ZNF615: variants seen among roughly 807,000 people sequenced by gnomAD.
ZNF615 encodes zinc finger protein 615.
ZNF615 carries 15 observed loss-of-function variants against 15.3 expected under a neutral mutation model. The observed-to-expected ratio is 0.98, with a 90% CI of 0.66 to 1.51. The LOEUF (loss-of-function observed/expected upper bound fraction) is 1.51, where lower values mean the gene tolerates loss of function less well. Ranked by LOEUF, ZNF615 falls within the 40% of genes most tolerant of loss-of-function variation. The probability of loss-of-function intolerance (pLI) is 0.00; values close to 1 mark genes in which losing one functional copy is unlikely to be tolerated. For synonymous variants in ZNF615, 268 were observed against 294.6 expected (o/e 0.91, Z 0.92); for missense variants, 848 against 895.9 (o/e 0.95, Z 0.68).
At chr19:52,007,068 T>C (rs779340312) in intron 2 of ZNF615, among the ~76,000 whole-genome samples, 11 of 152,336 alleles carry the variant, frequency 7.2e-5, no homozygotes, top group Non-Finnish European at 1.2e-4. Context: ...ATTTCACTTC[T>C]ATCCAAATGT....
At chr19:52,007,751 A>G (rs766315911) in intron 1 of ZNF615, among the ~76,000 whole-genome samples, 5 of 152,052 alleles carry the variant, frequency 3.3e-5, no homozygotes, top group Non-Finnish European at 7.4e-5. Flanking sequence ...CCCAAACAAA[A>G]CCTGAACCAT....
chr19:52,001,237 A>G (rs11084129), intron 5 of ZNF615, among the ~76,000 whole-genome samples: 61,193 of 151,820 alleles, frequency 0.4, 13,776 homozygotes, highest in African/African-American at 0.6. Context: ...GACAGTGGAC[A>G]AGAAAAGGCA....
chr19:51,992,544 T>C lies in ZNF615; in HGVS notation c.*336A>G. 4.8e-6 allele frequency: 1 copy of C among 206,368 alleles called. No individual in the cohort carries two copies. The highest frequency in any genetic ancestry group is 1.2e-4 in the South Asian group (1 of 8,236). The allele number at this position is 206,368 out of a possible 1,614,324, so 12.8% of individuals were successfully genotyped here. A position where few individuals can be genotyped will look rare whatever the true frequency, so the allele number is the denominator to read the frequency against. ...TTCTCCAGTGTGAACTCTCTCAATC[T>C]GTTGAAGTTTTATTTTTGGGCAAAG... On this transcript the variant is annotated 3_prime_UTR_variant, in exon 7 of 7. Transcript: ENST00000598071.
In ZNF615 at chr19:52,003,801, A is replaced by C; in HGVS notation, c.-90T>G. The stretch of plus-strand genomic sequence containing the variant: ...CTCTAAATTTCGGTTCAAAAACTTC[A>C]ATCTCCAATCAAGGATGTCCCCAGA... On this transcript the variant is annotated 5_prime_UTR_variant, in exon 3 of 7. The change creates a new upstream start codon in the 5' untranslated region. Coordinates refer to ENST00000598071, the MANE Select transcript of ZNF615 (RefSeq NM_001199324.2). The C allele has an allele frequency of 1.3e-6, 2 of 1,584,382 alleles. No individual in the cohort carries two copies. Among genetic ancestry groups the C allele is most frequent in the Non-Finnish European group, 8.6e-7 (1 of 1,167,526 alleles).
intron 6 of ZNF615, among the ~76,000 whole-genome samples, chr19:51,996,588 C>T (rs79198198): frequency 4.6e-4 from 70 of 152,094 alleles, no homozygotes; most frequent in African/African-American, 1.5e-3. Context: ...ATATAAATCT[C>T]GAAAAGGCCT....
chr19:51,994,593 A>C lies in ZNF615; in HGVS notation c.516T>G (p.Asp172Glu). 1 of 1,613,968 alleles carries C rather than the reference A, an allele frequency of 6.2e-7. No homozygotes were observed. Among genetic ancestry groups the C allele is most frequent in the Non-Finnish European group, 8.5e-7 (1 of 1,180,012 alleles). The change falls in exon 7 of 7, where the codon GAT (aspartate) becomes GAG (glutamate). Residue 172 changes from aspartate to glutamate, a missense_variant. Transcript: ENST00000598071. ...GLKNSAEFNR[D>E]GKSLFHANHK... ...GGTTAGCATGAAAAAGGGATTTCCC[A>C]TCTCTATTAAACTCAGCAGAGTTCT...
chr19:52,005,735 T>C (rs1457159013), intron 2 of ZNF615, among the ~76,000 whole-genome samples: 1 of 152,198 alleles, frequency 6.6e-6, no homozygotes, highest in African/African-American at 2.4e-5. Flanking sequence ...ATGCATTCCA[T>C]GACATTTCAT....
rs2086249271 is a variant in ZNF615, at chr19:51,992,108, A to G, written c.*772T>C. 1 of 152,232 alleles carries G rather than the reference A, an allele frequency of 6.6e-6. No homozygotes were observed. The highest frequency in any genetic ancestry group is 2.1e-4 in the South Asian group (1 of 4,836). 9.4% of individuals were successfully genotyped at this position (152,232 alleles called of 1,614,324 possible). A position where few individuals can be genotyped will look rare whatever the true frequency, so the allele number is the denominator to read the frequency against. On this transcript the variant is annotated 3_prime_UTR_variant, in exon 7 of 7. Coordinates refer to ENST00000598071, the MANE Select transcript of ZNF615 (RefSeq NM_001199324.2). ...TTCTGAAGTACTTTAGTTATTCTGA[A>G]ATAACACAAACTTAGAACCAAAGAA...
At chr19:52,003,153 A>ATTTG (rs397963115) in intron 3 of ZNF615, among the ~76,000 whole-genome samples, 1 of 151,750 alleles carries the variant, frequency 6.6e-6, no homozygotes, top group African/African-American at 2.4e-5. Flanking sequence ...GGAAAAAAAA[A>ATTTG]TCCTTAGAAT....
intron 6 of ZNF615, among the ~76,000 whole-genome samples, chr19:51,996,566 A>G (rs777163219): frequency 2.6e-5 from 4 of 152,174 alleles, no homozygotes; most frequent in Non-Finnish European, 5.9e-5. Flanking sequence ...AACATGAAGA[A>G]ATTGGTTGAA....
intron 6 of ZNF615, among the ~76,000 whole-genome samples, chr19:51,997,136 T>C (rs928727676): frequency 8.6e-5 from 13 of 151,904 alleles, no homozygotes; most frequent in Non-Finnish European, 1.8e-4. Context: ...CTGGGCAACA[T>C]AGTGAGACCT....
rs773966118 is a variant in ZNF615, at chr19:51,994,351, G to C, written c.758C>G (p.Ser253Cys). ...ATGGTCCATTAGTCTGGATTTTCTG[G>C]AGAAAGCTTTCCCACACATACTGCA... ...HVCSMCGKAFSRKSRLMDHQR... is the reference protein window; with the variant it reads ...HVCSMCGKAFCRKSRLMDHQR... The change falls in exon 7 of 7, where the codon TCC (serine) becomes TGC (cysteine). Residue 253 changes from serine to cysteine, a missense_variant. Physicochemically the swap from Ser to Cys is moderately radical, Grantham distance 112. Transcript: ENST00000598071. 2.5e-6 allele frequency: 4 copies of C among 1,613,858 alleles called. No individual in the cohort carries two copies. Among genetic ancestry groups the C allele is most frequent in the African/African-American group, 1.3e-5 (1 of 74,890 alleles).
intron 5 of ZNF615, 118 bp from the exon 6 acceptor site, chr19:52,000,496 G>C: frequency 4.3e-6 from 2 of 460,236 alleles, no homozygotes; most frequent in South Asian, 4.9e-5. Flanking sequence ...AAAATGGGAA[G>C]TTACAGGCTA....
Position 51,993,483 on chromosome 19 carries a change from T to C in ZNF615, c.1626A>G (p.Gln542=), listed in dbSNP as rs1198891899. 1.9e-6 allele frequency: 3 copies of C among 1,613,748 alleles called. No homozygotes were observed. The highest frequency in any genetic ancestry group is 1.1e-5 in the South Asian group (1 of 91,056). The change falls in exon 7 of 7, where the codon CAA becomes CAG. Residue 542 remains glutamine (Q), a synonymous_variant. Coordinates refer to ENST00000598071, the MANE Select transcript of ZNF615 (RefSeq NM_001199324.2). The stretch of plus-strand genomic sequence containing the variant: ...AAGGTTTCTCTCCTGTATGAGTTCG[T>C]TGATGTCCCATTAGCCGGATCTTTG... ...FPAKIRLMGH[Q]RTHTGEKPYI...
At chr19:52,008,001 C>T in intron 1 of ZNF615, 140 bp downstream of exon 1, 1 of 741,658 alleles carries the variant, frequency 1.3e-6, no homozygotes, top group Non-Finnish European at 2.2e-6. Context: ...CCACGCTAAG[C>T]TCCTGAAAGA....
At chr19:51,998,265 CACTCT>C (rs1182799723) in intron 6 of ZNF615, among the ~76,000 whole-genome samples, 2 of 152,128 alleles carry the variant, frequency 1.3e-5, no homozygotes, top group East Asian at 1.9e-4. Flanking sequence ...TGCTTTTGCT[CACTCT>C]ACTCTATCCA....
chr19:51,994,018 A>C lies in ZNF615; in HGVS notation c.1091T>G (p.Phe364Cys), dbSNP rs773628995. ...PYICSECGKG[F>C]IEKRRLTAHH... is the part of the protein sequence containing the mutation. ...TGCAGTAAGACGCCTCTTCTCAATG[A>C]AGCCTTTTCCACATTCACTACATAT... Residue 364 changes from phenylalanine to cysteine, a missense_variant, in exon 7 of 7, where the codon TTC (phenylalanine) becomes TGC (cysteine). Transcript: ENST00000598071. 2.5e-6 allele frequency: 4 copies of C among 1,612,434 alleles called. No homozygotes were observed. In the African/African-American group the frequency reaches 5.3e-5, roughly 22 times the overall value.
At position 51,994,172 on chromosome 19, in the gene ZNF615, G is replaced by T; in HGVS notation, c.937C>A (p.Arg313=). Reference sequence around the variant, plus strand: ...TGAGTTCGTTGATGATAAATGAGCCGACACTTCTTGATGAAGGCTTTCCCA... The same window carrying T: ...TGAGTTCGTTGATGATAAATGAGCCTACACTTCTTGATGAAGGCTTTCCCA... ...QCGKAFIKKC[R]LIYHQRTHTG... Residue 313 remains arginine (R), a synonymous_variant, in exon 7 of 7, where the codon CGG becomes AGG. Coordinates refer to ENST00000598071, the MANE Select transcript of ZNF615 (RefSeq NM_001199324.2). The T allele has an allele frequency of 6.2e-7, 1 of 1,613,912 alleles. No homozygotes were observed. The highest frequency in any genetic ancestry group is 8.5e-7 in the Non-Finnish European group (1 of 1,180,020).
chr19:52,002,614 AT>A (rs1600010742), intron 3 of ZNF615, among the ~76,000 whole-genome samples: 2 of 152,308 alleles, frequency 1.3e-5, no homozygotes, highest in South Asian at 2.1e-4. Flanking sequence ...AATAATTCAG[AT>A]TCTTAAATTC....
Sources: allele counts gnomAD v4.1 joint callset (sites outside exome capture counted in the v4.1 genomes callset), GRCh38; gene constraint gnomAD v4.1.1; transcripts MANE v1.5; gene names NCBI Gene and HGNC (gene_info 2026-07-23, HGNC 2026-07-21).